PMS1: variants seen among roughly 807,000 people sequenced by gnomAD.
PMS1 encodes PMS1 homolog 1, mismatch repair system component, also known as PMS1 protein homolog 1.
PMS1 carries 79 observed loss-of-function variants against 93.1 expected under a neutral mutation model. The observed-to-expected ratio is 0.85, with a 90% CI of 0.71 to 1.02. The LOEUF is 1.02. Among genes scored for constraint, PMS1 ranks in the 50% least tolerant of loss-of-function variants. The pLI, the probability that PMS1 is intolerant of heterozygous loss-of-function variation, is 0.00. For missense variants in PMS1, 1,064 were observed against 1,085.3 expected, an observed-to-expected ratio of 0.98 and a Z score of 0.28; for synonymous variants, 335 against 363.4, an observed-to-expected ratio of 0.92 and a Z score of 0.89.
intron 5 of PMS1, among the ~76,000 whole-genome samples, chr2:189,823,045 A>C (rs189733123): frequency 1.3e-5 from 2 of 152,220 alleles, no homozygotes; most frequent in Admixed American, 1.3e-4. Context: ...ACAAATGAAT[A>C]TTATAAAGGG....
intron 7 of PMS1, 106 bp downstream of exon 7, chr2:189,852,883 T>C: frequency 1.3e-6 from 1 of 749,608 alleles, no homozygotes. Flanking sequence ...AGAAATACAA[T>C]GTCATTTATT....
chr2:189,814,158 G>A (rs540208291), intron 4 of PMS1, among the ~76,000 whole-genome samples: 3 of 132,666 alleles, frequency 2.3e-5, no homozygotes, highest in Non-Finnish European at 4.6e-5. Context: ...GAATAGTAGC[G>A]CCAAAGAATA....
intron 9 of PMS1, among the ~76,000 whole-genome samples, chr2:189,857,763 G>A (rs2055504462): frequency 6.6e-6 from 1 of 151,982 alleles, no homozygotes; most frequent in Non-Finnish European, 1.5e-5. Context: ...AGTTAAACAA[G>A]AATGTGATGA....
At chr2:189,834,529 G>T (rs547257207) in intron 5 of PMS1, among the ~76,000 whole-genome samples, 1 of 152,150 alleles carries the variant, frequency 6.6e-6, no homozygotes, top group Non-Finnish European at 1.5e-5. Context: ...AAATGATCTC[G>T]TTGTCTGGCA....
chr2:189,854,415 A>G lies in PMS1; in HGVS notation c.1143A>G (p.Ser381=), dbSNP rs763001065. Residue 381 remains serine, a synonymous_variant, in exon 9 of 13, where the codon TCA becomes TCG. Transcript: ENST00000441310. ...TGGAATCATCTGGAAAGAATTATTCAAATGTTGATACTTCAGTCATTCCAT... is the reference window on the plus strand; with the variant it reads ...TGGAATCATCTGGAAAGAATTATTCGAATGTTGATACTTCAGTCATTCCAT... ...NKVESSGKNY[S]NVDTSVIPFQ... 3 of 1,606,326 alleles carry G rather than the reference A, an allele frequency of 1.9e-6. No individual in the cohort carries two copies. The highest frequency in any genetic ancestry group is 2.6e-6 in the Non-Finnish European group (3 of 1,174,796).
chr2:189,858,467 C>T (rs532649372), intron 9 of PMS1, among the ~76,000 whole-genome samples: 19 of 152,210 alleles, frequency 1.2e-4, no homozygotes, highest in African/African-American at 4.3e-4. Context: ...GTTACTAAAT[C>T]CCTTCTTGAC....
At chr2:189,844,132 C>A in intron 6 of PMS1, 52 bp downstream of exon 6, 2 of 1,608,308 alleles carry the variant, frequency 1.2e-6, no homozygotes, top group Non-Finnish European at 8.5e-7. Context: ...TGAAGCTGTT[C>A]ACATATTTCC....
chr2:189,808,484 C>A (rs1224618334), intron 4 of PMS1, among the ~76,000 whole-genome samples: 4 of 151,980 alleles, frequency 2.6e-5, no homozygotes, highest in Admixed American at 2.6e-4. Flanking sequence ...TGTGTCACCA[C>A]ACCTGGCGAA....
chr2:189,869,511 T>C (rs2056951305), intron 11 of PMS1, among the ~76,000 whole-genome samples: 1 of 152,134 alleles, frequency 6.6e-6, no homozygotes, highest in Non-Finnish European at 1.5e-5. Context: ...AGGTACTGGT[T>C]TTTTTCATGA....
At chr2:189,855,200 A>G in intron 9 of PMS1, 72 bp downstream of exon 9, 1 of 1,325,324 alleles carries the variant, frequency 7.5e-7, no homozygotes, top group Admixed American at 1.7e-5. Flanking sequence ...CTGTTTAAAA[A>G]GAATTTTTTT....
At chr2:189,854,181 A>G in intron 8 of PMS1, 58 bp from the exon 9 acceptor site, 1 of 1,418,474 alleles carries the variant, frequency 7.0e-7, no homozygotes, top group Non-Finnish European at 9.6e-7. Context: ...TTTATTATTT[A>G]AAATCTTGTC....
In PMS1 at chr2:189,867,930, G is replaced by T; in HGVS notation, c.2473+1G>T. On this transcript the variant is annotated splice_donor_variant, in intron 11 of 12. Transcript: ENST00000441310. LOFTEE classifies it high-confidence loss of function. ...GGTTTCAAGATAAAATTGATACCAGGTATGATAGTGTGGTTTAATATTTTC... is the reference window on the plus strand; with the variant it reads ...GGTTTCAAGATAAAATTGATACCAGTTATGATAGTGTGGTTTAATATTTTC... The T allele has an allele frequency of 1.2e-6, 2 of 1,607,330 alleles. No homozygotes were observed. The highest frequency in any genetic ancestry group is 2.2e-5 in the East Asian group (1 of 44,776).
intron 5 of PMS1, among the ~76,000 whole-genome samples, chr2:189,834,835 TC>T (rs2053249851): frequency 6.6e-6 from 1 of 152,074 alleles, no homozygotes; most frequent in East Asian, 1.9e-4. Context: ...GCTCAAGTGA[TC>T]CTCCTACCTC....
In PMS1 at chr2:189,818,093, T is replaced by G; in HGVS notation, c.495T>G (p.Cys165Trp). 1.9e-6 allele frequency: 3 copies of G among 1,606,198 alleles called. No individual in the cohort carries two copies. The highest frequency in any genetic ancestry group is 2.6e-6 in the Non-Finnish European group (3 of 1,173,338). Residue 165 changes from cysteine (C) to tryptophan (W), a missense_variant, in exon 5 of 13, where the codon TGT becomes TGG. Coordinates refer to ENST00000441310, the MANE Select transcript of PMS1 (RefSeq NM_000534.5). ...RKQFYSTAKKCKDEIKKIQDL... is the reference protein window; with the variant it reads ...RKQFYSTAKKWKDEIKKIQDL... ...AGTTTTACTCAACTGCAAAAAAATG[T>G]AAAGATGAAATAAAAAAGATCCAAG...
chr2:189,825,395 C>A (rs1367424447), intron 5 of PMS1, among the ~76,000 whole-genome samples: 1 of 152,128 alleles, frequency 6.6e-6, no homozygotes, highest in Non-Finnish European at 1.5e-5. Context: ...CTGTGAGGTC[C>A]TACTGTAAAT....
In PMS1 at chr2:189,822,139, C is replaced by T. The variant is rs547492873; in HGVS notation, c.582+3959C>T. ...AGGCGTTGGCACGGGACATGTGGGC[C>T]GCGGTTGCCGACTGTGGCGCGGGCA... On this transcript the variant is annotated intron_variant, in intron 5 of 12. Coordinates refer to ENST00000441310, the MANE Select transcript of PMS1 (RefSeq NM_000534.5). Among the ~76,000 whole-genome samples the T allele has an allele frequency of 3.9e-4, 59 of 152,256 alleles. No individual in the cohort carries two copies. The South Asian group carries it at 9.1e-3, about 24-fold the overall frequency.
chr2:189,796,851 CT>C (rs2049405911), intron 3 of PMS1, among the ~76,000 whole-genome samples: 2 of 150,164 alleles, frequency 1.3e-5, no homozygotes, highest in Admixed American at 1.3e-4. Flanking sequence ...GTACAAATAC[CT>C]GTTTGAGTCC....
intron 1 of PMS1, among the ~76,000 whole-genome samples, chr2:189,788,651 GGTTA>G (rs1368805455): frequency 6.6e-6 from 1 of 151,940 alleles, no homozygotes; most frequent in Non-Finnish European, 1.5e-5. Flanking sequence ...TTTTTTAAAA[GGTTA>G]GTTTTAATAA....
At chr2:189,820,313 C>A (rs1403335258) in intron 5 of PMS1, among the ~76,000 whole-genome samples, 1 of 148,944 alleles carries the variant, frequency 6.7e-6, no homozygotes, top group African/African-American at 2.5e-5. Context: ...TTTTTTTTTT[C>A]TTTCCTTTTT....
Sources: allele counts gnomAD v4.1 joint callset (sites outside exome capture counted in the v4.1 genomes callset), GRCh38; gene constraint gnomAD v4.1.1; transcripts MANE v1.5; gene names NCBI Gene and HGNC (gene_info 2026-07-23, HGNC 2026-07-21).